The following LIPI variants were observed in gnomAD, a reference collection of about 807,000 sequenced individuals.
LIPI encodes lipase I.
In LIPI, 59 loss-of-function variants were observed where a neutral mutation model predicts 50.6. The observed-to-expected ratio is 1.16, with a 90% CI of 0.94 to 1.45. The LOEUF (loss-of-function observed/expected upper bound fraction) is 1.45. Among genes scored for constraint, LIPI ranks in the 40% most tolerant of loss-of-function variants. The probability of loss-of-function intolerance (pLI) is 0.00; values close to 1 mark genes in which losing one functional copy is unlikely to be tolerated. For missense variants in LIPI, 586 were observed against 536.3 expected, an observed-to-expected ratio of 1.09 and a Z score of -0.92; for synonymous variants, 203 against 178.2, an observed-to-expected ratio of 1.14 and a Z score of -1.11.
At position 14,165,806 on chromosome 21, in the gene LIPI, A is replaced by G. The variant is rs75831450; in HGVS notation, c.734-416T>C. Among the ~76,000 whole-genome samples the G allele has an allele frequency of 9.4e-3, 1,436 of 152,278 alleles. 24 individuals are homozygous for G. Among genetic ancestry groups the G allele is most frequent in the African/African-American group, 0.033 (1,378 of 41,548 alleles). On this transcript the variant is annotated intron_variant, in intron 5 of 9. Coordinates refer to ENST00000681601, the MANE Select transcript of LIPI (RefSeq NM_001302998.2). ...CCTTCCTTTTCTTTTCCAACCTTGC[A>G]CATCCTCCTCCTTTTCACCAAACTT...
chr21:14,167,812 C>G (rs1377249878), intron 4 of LIPI, among the ~76,000 whole-genome samples: 1 of 152,172 alleles, frequency 6.6e-6, no homozygotes, highest in African/African-American at 2.4e-5. Flanking sequence ...GAGTGCCTCT[C>G]CTCCTCCAAA....
At chr21:14,113,364 G>A (rs943452816) in intron 9 of LIPI, among the ~76,000 whole-genome samples, 1 of 152,188 alleles carries the variant, frequency 6.6e-6, no homozygotes, top group African/African-American at 2.4e-5. Flanking sequence ...GTGGAGACAT[G>A]AGAGATATAA....
chr21:14,178,756 G>T (rs1421378605), intron 4 of LIPI, among the ~76,000 whole-genome samples: 1 of 151,924 alleles, frequency 6.6e-6, no homozygotes, highest in African/African-American at 2.4e-5. Flanking sequence ...TCTCATTCAC[G>T]CTGTCTTGCT....
chr21:14,176,207 A>G (rs2019091831), intron 4 of LIPI, among the ~76,000 whole-genome samples: 1 of 151,486 alleles, frequency 6.6e-6, no homozygotes, highest in East Asian at 1.9e-4. Context: ...CAAAAGTGAT[A>G]TAAATAAATT....
chr21:14,163,380 TA>T (rs1462524112), intron 7 of LIPI, 38 bp downstream of exon 7: 1 of 1,012,834 alleles, frequency 9.9e-7, no homozygotes, highest in Non-Finnish European at 1.6e-6. Flanking sequence ...CAAAAAAAAC[TA>T]AAAATTTGTT....
chr21:14,108,845 T>C lies in LIPI; in HGVS notation c.*148A>G, dbSNP rs1175878838. ...TGTTTAACTGTATGCATTTTTTATTTTCTTTATTTTTGATTCTTAAAATTT... is the reference window on the plus strand; with the variant it reads ...TGTTTAACTGTATGCATTTTTTATTCTCTTTATTTTTGATTCTTAAAATTT... On this transcript the variant is annotated 3_prime_UTR_variant, in exon 10 of 10. Coordinates refer to ENST00000681601, the MANE Select transcript of LIPI (RefSeq NM_001302998.2). 2 of 898,688 alleles carry C rather than the reference T, an allele frequency of 2.2e-6. No homozygotes were observed. Among genetic ancestry groups the C allele is most frequent in the East Asian group, 5.3e-5 (2 of 37,532 alleles). The allele number at this position is 898,688 out of a possible 1,614,324, so 55.7% of individuals were successfully genotyped here.
chr21:14,206,946 C>A, intron 1 of LIPI: 1 of 1,435,738 alleles, frequency 7.0e-7, no homozygotes, highest in South Asian at 1.1e-5. Context: ...ATCAGAAGTT[C>A]ACTAGCTCTT....
At position 14,176,937 on chromosome 21, in the gene LIPI, T is replaced by C. The variant is rs568411389; in HGVS notation, c.643+4821A>G. Among the ~76,000 whole-genome samples, 26 of 152,230 alleles carry C rather than the reference T, an allele frequency of 1.7e-4. 1 individual carries two copies. The East Asian group carries it at 3.5e-3, about 20-fold the overall frequency. ...ATATCGAAATGTTTGAGAATATTTT[T>C]AAGGCTCAGTATATGCTTAACTTAG... On this transcript the variant is annotated intron_variant, in intron 4 of 9. Transcript: ENST00000681601.
intron 4 of LIPI, among the ~76,000 whole-genome samples, chr21:14,171,761 C>A (rs931460535): frequency 4.0e-5 from 6 of 151,846 alleles, no homozygotes; most frequent in Non-Finnish European, 1.5e-5. Flanking sequence ...ACCATAAAAA[C>A]CCTAGAAGAA....
chr21:14,148,613 C>T (rs2017985879), intron 8 of LIPI, among the ~76,000 whole-genome samples: 1 of 152,152 alleles, frequency 6.6e-6, no homozygotes, highest in Non-Finnish European at 1.5e-5. Flanking sequence ...AGGTTTGTAA[C>T]TTATTGCTTC....
At chr21:14,158,741 C>T (rs750832144) in intron 7 of LIPI, among the ~76,000 whole-genome samples, 1 of 150,412 alleles carries the variant, frequency 6.6e-6, no homozygotes, top group African/African-American at 2.4e-5. Flanking sequence ...AATCGATAAA[C>T]CATTTTGTCT....
At chr21:14,158,158 G>A (rs575246914) in intron 7 of LIPI, among the ~76,000 whole-genome samples, 4 of 151,888 alleles carry the variant, frequency 2.6e-5, no homozygotes, top group South Asian at 4.1e-4. Context: ...GAATACACAT[G>A]TATTGCCAGT....
At chr21:14,177,077 G>T (rs1000114636) in intron 4 of LIPI, among the ~76,000 whole-genome samples, 1 of 152,164 alleles carries the variant, frequency 6.6e-6, no homozygotes, top group South Asian at 2.1e-4. Flanking sequence ...CTATGATTGT[G>T]TAGTTGCCTT....
At chr21:14,127,484 A>C (rs1332688871) in intron 9 of LIPI, among the ~76,000 whole-genome samples, 1 of 152,164 alleles carries the variant, frequency 6.6e-6, no homozygotes, top group African/African-American at 2.4e-5. Flanking sequence ...ACATTTAATA[A>C]ATTTTCATAG....
At position 14,133,490 on chromosome 21, in the gene LIPI, A is replaced by C. The variant is rs960452439; in HGVS notation, c.1295+11133T>G. On this transcript the variant is annotated intron_variant, in intron 9 of 9. Coordinates refer to ENST00000681601, the MANE Select transcript of LIPI (RefSeq NM_001302998.2). ...GGAACATACCTCACATAATAAAGAC[A>C]ATAAATGACAGACTCACAGCCAGCA... Among the ~76,000 whole-genome samples the C allele has an allele frequency of 2.0e-5, 3 of 152,218 alleles. No individual in the cohort carries two copies. The East Asian group carries it at 5.8e-4, about 29-fold the overall frequency.
At chr21:14,184,535 A>C (rs1402204590) in intron 3 of LIPI, among the ~76,000 whole-genome samples, 1 of 152,142 alleles carries the variant, frequency 6.6e-6, no homozygotes, top group Non-Finnish European at 1.5e-5. Flanking sequence ...AAAAAAGTAA[A>C]ATATAATGTT....
At chr21:14,186,980 A>G (rs918887401) in intron 2 of LIPI, among the ~76,000 whole-genome samples, 1 of 152,176 alleles carries the variant, frequency 6.6e-6, no homozygotes, top group Non-Finnish European at 1.5e-5. Context: ...GGACTAAAAC[A>G]CAAACCTAGG....
At chr21:14,158,819 C>G (rs1600874449) in intron 7 of LIPI, among the ~76,000 whole-genome samples, 2 of 150,754 alleles carry the variant, frequency 1.3e-5, no homozygotes, top group South Asian at 4.2e-4. Flanking sequence ...AAAGGCATTA[C>G]TAAAGATAAT....
intron 4 of LIPI, among the ~76,000 whole-genome samples, chr21:14,168,194 C>G (rs927734046): frequency 1.3e-5 from 2 of 152,106 alleles, no homozygotes; most frequent in African/African-American, 4.8e-5. Context: ...AACAAAGCCT[C>G]CAAGAAATAT....
Sources: gnomAD v4.1 joint callset for allele counts (sites outside exome capture counted in the v4.1 genomes callset) on GRCh38, gnomAD v4.1.1 for gene constraint, MANE v1.5 for transcripts, NCBI Gene and HGNC (gene_info 2026-07-23, HGNC 2026-07-21) for gene names.